VPS13A: variants seen among roughly 807,000 people sequenced by gnomAD.
VPS13A encodes intermembrane lipid transfer protein VPS13A.
Under a neutral mutation model 390.9 loss-of-function variants are expected in VPS13A, and 264 were observed. The observed-to-expected ratio is 0.68, with a 90% CI of 0.61 to 0.75. VPS13A has a LOEUF of 0.75. Among genes scored for constraint, VPS13A ranks in the 30% least tolerant of loss-of-function variants. The probability of loss-of-function intolerance (pLI) is 0.00; values close to 1 mark genes in which losing one functional copy is unlikely to be tolerated. For missense variants in VPS13A, 3,409 were observed against 3,733.9 expected, an observed-to-expected ratio of 0.91 and a Z score of 2.27; for synonymous variants, 1,231 against 1,227.1, an observed-to-expected ratio of 1.00 and a Z score of -0.07.
At chr9:77,298,366 G>A (rs998852791) in intron 33 of VPS13A, among the ~76,000 whole-genome samples, 3 of 152,192 alleles carry the variant, frequency 2.0e-5, no homozygotes, top group Non-Finnish European at 4.4e-5. Context: ...GACATATGAA[G>A]AAGAATGCTG....
At position 77,220,214 on chromosome 9, in the gene VPS13A, T is replaced by A. The variant is rs1432924798; in HGVS notation, c.883-63T>A. On this transcript the variant is annotated intron_variant, in intron 11 of 71. Coordinates refer to ENST00000360280, the MANE Select transcript of VPS13A (RefSeq NM_033305.3). ...CCTAAAAAGTCAGTAATGTAACTTTTATCTTCAGCAATTGAACAAAAAAAT... is the reference window on the plus strand; with the variant it reads ...CCTAAAAAGTCAGTAATGTAACTTTAATCTTCAGCAATTGAACAAAAAAAT... 3.3e-6 allele frequency: 5 copies of A among 1,531,850 alleles called. No homozygotes were observed. In the African/African-American group the frequency reaches 6.9e-5, roughly 21 times the overall value. 94.9% of individuals were successfully genotyped at this position (1,531,850 alleles called of 1,614,324 possible).
intron 68 of VPS13A, among the ~76,000 whole-genome samples, chr9:77,389,516 C>T (rs1006016111): frequency 6.6e-5 from 10 of 151,972 alleles, no homozygotes; most frequent in South Asian, 2.1e-4. Context: ...CTATGTGGCC[C>T]GGGCTGGTCT....
intron 71 of VPS13A, among the ~76,000 whole-genome samples, chr9:77,414,856 C>G (rs1397758900): frequency 1.3e-5 from 2 of 152,098 alleles, no homozygotes; most frequent in African/African-American, 4.8e-5. Flanking sequence ...CTCCTGCACT[C>G]ATACAACACT....
chr9:77,183,197 T>C (rs960151614), intron 1 of VPS13A, among the ~76,000 whole-genome samples: 1 of 152,254 alleles, frequency 6.6e-6, no homozygotes, highest in African/African-American at 2.4e-5. Flanking sequence ...ATTAATATTA[T>C]GTATTAACAG....
chr9:77,398,882 T>C (rs1426982080), intron 68 of VPS13A, among the ~76,000 whole-genome samples: 1 of 150,626 alleles, frequency 6.6e-6, no homozygotes, highest in Non-Finnish European at 1.5e-5. Flanking sequence ...ATGGATGAAA[T>C]TGGAAACCAT....
At position 77,260,212 on chromosome 9, in the gene VPS13A, C is replaced by G; in HGVS notation, c.2415C>G (p.Val805=). The change falls in exon 23 of 72, where the codon GTC becomes GTG. Residue 805 remains valine, a synonymous_variant. Coordinates refer to ENST00000360280, the MANE Select transcript of VPS13A (RefSeq NM_033305.3). The part of the protein sequence containing the change: ...PEPVTEVSAP[V]KSFQIQTSTS... ...CAGTAACTGAAGTATCTGCCCCTGT[C>G]AAATCATTCCAGGTAATGTTACTTT... is the stretch of plus-strand genomic sequence containing the variant. 2 of 1,613,164 alleles carry G rather than the reference C, an allele frequency of 1.2e-6. No individual in the cohort carries two copies. The highest frequency in any genetic ancestry group is 1.3e-5 in the African/African-American group (1 of 74,976).
rs1321712506 is a variant in VPS13A at position 77,356,856 on chromosome 9, A to G, written c.7795A>G (p.Thr2599Ala). Residue 2599 changes from threonine (T) to alanine (A), a missense_variant, in exon 55 of 72, where the codon ACT becomes GCT. Thr to Ala is a moderately conservative substitution (Grantham distance 58, BLOSUM62 0). Transcript: ENST00000360280. ...PSEDKVIQLDTNVPVRLTPTG... is the reference protein window; with the variant it reads ...PSEDKVIQLDANVPVRLTPTG... ...AGAAGATAAGGTTATTCAGTTGGAC[A>G]CTAATGTTCCGGTAATATTTTTAAG... is the stretch of plus-strand genomic sequence containing the variant. 1.7e-5 allele frequency: 27 copies of G among 1,613,690 alleles called. No homozygotes were observed. The highest frequency in any genetic ancestry group is 3.3e-5 in the South Asian group (3 of 91,066).
chr9:77,260,284 C>G, intron 23 of VPS13A, 60 bp downstream of exon 23: 8 of 1,489,250 alleles, frequency 5.4e-6, no homozygotes, highest in South Asian at 1.2e-5. Context: ...AATAGTATTT[C>G]AAACAATCAC....
intron 68 of VPS13A, among the ~76,000 whole-genome samples, chr9:77,391,121 A>G (rs1833880682): frequency 4.5e-5 from 3 of 66,538 alleles, no homozygotes; most frequent in Non-Finnish European, 9.2e-5. Context: ...TTAATTAAGC[A>G]AAGTTGCTAA....
chr9:77,227,721 G>GTTTTTTT (rs1823600234), intron 16 of VPS13A, among the ~76,000 whole-genome samples: 1 of 149,358 alleles, frequency 6.7e-6, no homozygotes, highest in Non-Finnish European at 1.5e-5. Context: ...TTTTGATAGA[G>GTTTTTTT]ATGGGGTTTC....
At chr9:77,411,679 AAAAAAAG>A (rs1834937232) in intron 71 of VPS13A, among the ~76,000 whole-genome samples, 1 of 147,074 alleles carries the variant, frequency 6.8e-6, no homozygotes, top group African/African-American at 2.5e-5. Context: ...AAAAAAAAAA[AAAAAAAG>A]GAACTAGAGA....
intron 56 of VPS13A, 112 bp downstream of exon 56, chr9:77,357,950 G>A (rs1831909642): frequency 4.7e-6 from 3 of 633,732 alleles, no homozygotes; most frequent in Non-Finnish European, 6.9e-6. Context: ...TGTTGTGCTA[G>A]CCTTTTTTTT....
At chr9:77,369,842 G>GAAAT (rs1298760754) in intron 63 of VPS13A, among the ~76,000 whole-genome samples, 1 of 152,046 alleles carries the variant, frequency 6.6e-6, no homozygotes, top group African/African-American at 2.4e-5. Flanking sequence ...AATGTATAGG[G>GAAAT]AAATAAAAAA....
chr9:77,255,809 C>G (rs76872719), intron 22 of VPS13A, among the ~76,000 whole-genome samples: 36 of 152,108 alleles, frequency 2.4e-4, no homozygotes, highest in African/African-American at 8.7e-4. Flanking sequence ...AATTGTCTCT[C>G]TCTTAACAGC....
chr9:77,375,046 T>C (rs1476991845), intron 67 of VPS13A, among the ~76,000 whole-genome samples: 1 of 152,160 alleles, frequency 6.6e-6, no homozygotes, highest in Non-Finnish European at 1.5e-5. Context: ...TACCTGTAAC[T>C]TTAAGTTTCA....
chr9:77,355,391 A>G (rs558173705), intron 54 of VPS13A, among the ~76,000 whole-genome samples: 1 of 152,252 alleles, frequency 6.6e-6, no homozygotes, highest in Admixed American at 6.5e-5. Context: ...TTTTCTTCCT[A>G]TCCAGTCTCA....
chr9:77,383,446 A>T (rs1453456292), intron 68 of VPS13A, among the ~76,000 whole-genome samples: 2 of 152,012 alleles, frequency 1.3e-5, no homozygotes, highest in African/African-American at 4.8e-5. Flanking sequence ...CAGTCAAAAC[A>T]TGTATTTCTA....
At chr9:77,366,921 A>C in intron 61 of VPS13A, 49 bp downstream of exon 61, 1 of 1,583,628 alleles carries the variant, frequency 6.3e-7, no homozygotes, top group African/African-American at 1.4e-5. Context: ...TTTCTATTTT[A>C]TATGTCCCTA....
intron 1 of VPS13A, among the ~76,000 whole-genome samples, chr9:77,179,460 C>G (rs1589956774): frequency 6.6e-6 from 1 of 152,164 alleles, no homozygotes; most frequent in Non-Finnish European, 1.5e-5. Context: ...AACTCCTGAC[C>G]TCAAGTAATC....
Sources: gnomAD v4.1 joint callset for allele counts (sites outside exome capture counted in the v4.1 genomes callset) on GRCh38, gnomAD v4.1.1 for gene constraint, MANE v1.5 for transcripts, NCBI Gene and HGNC (gene_info 2026-07-23, HGNC 2026-07-21) for gene names.